PHF20: variants seen among roughly 807,000 people sequenced by gnomAD.
The protein encoded by PHF20 is PHD finger protein 20, also known as glioma-expressed antigen 2.
In PHF20, 23 loss-of-function variants were observed where a neutral mutation model predicts 113.5. The observed-to-expected ratio is 0.20, with a 90% confidence interval of 0.15 to 0.29. The LOEUF (loss-of-function observed/expected upper bound fraction) is 0.29. Ranked by LOEUF, PHF20 falls within the 10% of genes least tolerant of loss-of-function variation. The probability of loss-of-function intolerance (pLI) is 1.00; values close to 1 mark genes in which losing one functional copy is unlikely to be tolerated. For synonymous variants in PHF20, 434 were observed against 457.3 expected (o/e 0.95, Z 0.65); for missense variants, 943 against 1,219.6 (o/e 0.77, Z 3.38).
chr20:35,871,879 A>G (rs2146991461), intron 9 of PHF20, 50 bp downstream of exon 9: 4 of 1,359,886 alleles, frequency 2.9e-6, no homozygotes, highest in South Asian at 1.5e-5. Flanking sequence ...ACTTTTGCTT[A>G]TGCTTTGTGA....
chr20:35,875,570 G>T (rs772512566), intron 9 of PHF20, among the ~76,000 whole-genome samples: 25 of 152,166 alleles, frequency 1.6e-4, no homozygotes, highest in Middle Eastern at 3.4e-3. Flanking sequence ...CTTAGTGTCA[G>T]GGCTCTTTTC....
At chr20:35,938,544 G>A (rs1336912679) in intron 15 of PHF20, 153 bp from the exon 16 acceptor site, 1 of 720,786 alleles carries the variant, frequency 1.4e-6, no homozygotes, top group Admixed American at 2.4e-5. Flanking sequence ...GGAGACCACG[G>A]ATTCACATTC....
In PHF20 at chr20:35,917,477, C is replaced by G; in HGVS notation, c.1826-7C>G. 1.2e-6 allele frequency: 2 copies of G among 1,611,384 alleles called. No homozygotes were observed. Among genetic ancestry groups the G allele is most frequent in the Non-Finnish European group, 1.7e-6 (2 of 1,177,940 alleles). ...AATAGTAACTGTTGTTTTCCCTTTC[C>G]TCGTAGAGGAGGATAATTTGAGTGA... On this transcript the variant is annotated splice_polypyrimidine_tract_variant and splice_region_variant and intron_variant, in intron 12 of 17. Transcript: ENST00000374012.
intron 2 of PHF20, chr20:35,801,845 A>G (rs1421223522): frequency 2.9e-6 from 1 of 339,730 alleles, no homozygotes; most frequent in Non-Finnish European, 5.5e-6. Flanking sequence ...GAGTTCTGGG[A>G]AAAAGAAGCA....
At chr20:35,933,293 C>T (rs552789696) in intron 15 of PHF20, among the ~76,000 whole-genome samples, 101 of 151,274 alleles carry the variant, frequency 6.7e-4, no homozygotes, top group African/African-American at 2.0e-3. Context: ...AGTGCAGTGG[C>T]GTGATCTTGG....
intron 9 of PHF20, among the ~76,000 whole-genome samples, chr20:35,875,739 GTTGTC>G (rs1268233063): frequency 6.6e-6 from 1 of 152,130 alleles, no homozygotes; most frequent in Non-Finnish European, 1.5e-5. Flanking sequence ...TTTTAATTAT[GTTGTC>G]TTAAGGGTAG....
In PHF20 at chr20:35,947,860, C is replaced by T. The variant is rs1056095481; in HGVS notation, c.*233C>T. 1 of 463,958 alleles carries T rather than the reference C, an allele frequency of 2.2e-6. No homozygotes were observed. Among genetic ancestry groups the T allele is most frequent in the Non-Finnish European group, 3.9e-6 (1 of 257,058 alleles). 28.7% of individuals were successfully genotyped at this position (463,958 alleles called of 1,614,324 possible). A position where few individuals can be genotyped will look rare whatever the true frequency, so the allele number is the denominator to read the frequency against. On this transcript the variant is annotated 3_prime_UTR_variant, in exon 18 of 18. Coordinates refer to ENST00000374012, the MANE Select transcript of PHF20 (RefSeq NM_016436.5). ...GCAAATAGACTCTTGGGATTCCCCTCTTCTGTGCACATCGTTGAATGAAGA... is the reference window on the plus strand; with the variant it reads ...GCAAATAGACTCTTGGGATTCCCCTTTTCTGTGCACATCGTTGAATGAAGA...
At chr20:35,938,609 T>C in intron 15 of PHF20, 88 bp from the exon 16 acceptor site, 9 of 1,293,928 alleles carry the variant, frequency 7.0e-6, no homozygotes, top group Non-Finnish European at 9.6e-6. Flanking sequence ...GGAGCTGCTG[T>C]CCCTACTGGG....
chr20:35,908,301 G>C (rs548396039), intron 10 of PHF20, among the ~76,000 whole-genome samples: 1 of 152,276 alleles, frequency 6.6e-6, no homozygotes, highest in East Asian at 1.9e-4. Context: ...GTCCTTGCTG[G>C]GCAATTCTCT....
chr20:35,814,889 A>T (rs1445767474), intron 2 of PHF20, among the ~76,000 whole-genome samples: 242 of 142,204 alleles, frequency 1.7e-3, no homozygotes, highest in African/African-American at 6.2e-3. Context: ...AAAAAAAAAA[A>T]ATAAAATAAA....
chr20:35,878,471 A>G lies in PHF20; in HGVS notation c.1282+6642A>G, dbSNP rs1568694385. 5.3e-6 allele frequency: 3 copies of G among 571,318 alleles called. No individual in the cohort carries two copies. The East Asian group carries it at 8.9e-5, about 17-fold the overall frequency. 35.4% of individuals were successfully genotyped at this position (571,318 alleles called of 1,614,324 possible). A position where few individuals can be genotyped will look rare whatever the true frequency, so the allele number is the denominator to read the frequency against. The stretch of plus-strand genomic sequence containing the variant: ...GCAATCACTATGTCGACAAACACAG[A>G]TGTTTCCCTTTCTGAATTCATATGA... On this transcript the variant is annotated intron_variant, in intron 9 of 17. Coordinates refer to ENST00000374012, the MANE Select transcript of PHF20 (RefSeq NM_016436.5).
chr20:35,831,127 C>T (rs954874049), intron 2 of PHF20, among the ~76,000 whole-genome samples: 29 of 151,150 alleles, frequency 1.9e-4, no homozygotes, highest in African/African-American at 6.8e-4. Flanking sequence ...TTTCTTCCTT[C>T]CCTCCCTCCC....
At chr20:35,910,320 GT>G (rs1459687785) in intron 10 of PHF20, among the ~76,000 whole-genome samples, 1 of 152,146 alleles carries the variant, frequency 6.6e-6, no homozygotes, top group East Asian at 1.9e-4. Flanking sequence ...TGATGGAAAT[GT>G]TCTTAGAACT....
At chr20:35,872,577 G>A (rs550259678) in intron 9 of PHF20, among the ~76,000 whole-genome samples, 2 of 152,242 alleles carry the variant, frequency 1.3e-5, no homozygotes, top group Admixed American at 1.3e-4. Flanking sequence ...TGCTTTAGCA[G>A]CATCCTACAC....
At chr20:35,792,510 C>T (rs2041577828) in intron 1 of PHF20, among the ~76,000 whole-genome samples, 1 of 151,800 alleles carries the variant, frequency 6.6e-6, no homozygotes. Flanking sequence ...TTCATTCTTG[C>T]CTGCCCTTCC....
At chr20:35,815,496 T>C (rs1265423966) in intron 2 of PHF20, among the ~76,000 whole-genome samples, 1 of 137,864 alleles carries the variant, frequency 7.3e-6, no homozygotes, top group African/African-American at 2.9e-5. Flanking sequence ...AGAGTCTTGC[T>C]GTGTGTCTCC....
At chr20:35,797,560 C>T (rs1451964116) in intron 1 of PHF20, among the ~76,000 whole-genome samples, 2 of 150,396 alleles carry the variant, frequency 1.3e-5, no homozygotes, top group African/African-American at 4.9e-5. Flanking sequence ...AAGAAGCAAC[C>T]CCACCACCAG....
rs893907617 is a variant in PHF20, at chr20:35,842,717, G to A, written c.228G>A (p.Glu76=). The change falls in exon 3 of 18, where the codon GAG becomes GAA. Residue 76 remains glutamate (E), a synonymous_variant. Coordinates refer to ENST00000374012, the MANE Select transcript of PHF20 (RefSeq NM_016436.5). ...RPLEKIQLRK[E]GLHEEDGSSE... Reference sequence around the variant, plus strand: ...TAGAGAAAATACAGCTGAGGAAAGAGGGCTTGCATGAAGAGGATGGATCTT... The same window carrying A: ...TAGAGAAAATACAGCTGAGGAAAGAAGGCTTGCATGAAGAGGATGGATCTT... 1.9e-6 allele frequency: 3 copies of A among 1,614,062 alleles called. No homozygotes were observed. Among genetic ancestry groups the A allele is most frequent in the Non-Finnish European group, 2.5e-6 (3 of 1,179,964 alleles).
chr20:35,802,211 C>CA (rs1447167094), intron 2 of PHF20, among the ~76,000 whole-genome samples: 1 of 152,020 alleles, frequency 6.6e-6, no homozygotes, highest in Non-Finnish European at 1.5e-5. Context: ...TTCTGAGAAT[C>CA]AAATGATAGA....
Sources: gnomAD v4.1 joint callset for allele counts (sites outside exome capture counted in the v4.1 genomes callset) on GRCh38, gnomAD v4.1.1 for gene constraint, MANE v1.5 for transcripts, NCBI Gene and HGNC (gene_info 2026-07-23, HGNC 2026-07-21) for gene names.